Variants in FGF13 observed in about 807,000 individuals in gnomAD.
The protein encoded by FGF13 is fibroblast growth factor 13, also known as fibroblast growth factor homologous factor 2.
FGF13 carries 2 observed loss-of-function variants against 19.5 expected under a neutral mutation model. That is an observed-to-expected ratio of 0.10 (90% CI 0.04 to 0.32). FGF13 has a LOEUF of 0.32. Among genes scored for constraint, FGF13 ranks in the 10% least tolerant of loss-of-function variants. The pLI, the probability that FGF13 is intolerant of heterozygous loss-of-function variation, is 1.00. For synonymous variants in FGF13, 72 were observed against 76.9 expected (o/e 0.94, Z 0.33); for missense variants, 113 against 192.7 (o/e 0.59, Z 2.45).
At chrX:139,146,990 G>A (rs933240328) in intron 1 of FGF13, among the ~76,000 whole-genome samples, 4 of 108,278 alleles carry the variant, frequency 3.7e-5, no homozygotes, top group African/African-American at 1.3e-4. Flanking sequence ...AGGGAGGAGG[G>A]ATAGCATTAG....
chrX:138,672,543 T>G (rs1480164026), intron 3 of FGF13, among the ~76,000 whole-genome samples: 1 of 112,003 alleles, frequency 8.9e-6, no homozygotes, highest in African/African-American at 3.2e-5. Flanking sequence ...TGGAGAAGAC[T>G]GTGAACATAT....
intron 1 of FGF13, among the ~76,000 whole-genome samples, chrX:138,922,018 CCTCT>C (rs1327361276): frequency 1.9e-5 from 2 of 103,289 alleles, no homozygotes; most frequent in Admixed American, 2.1e-4. Flanking sequence ...AAAAAAACGA[CCTCT>C]CTATCATTGT....
intron 1 of FGF13, among the ~76,000 whole-genome samples, chrX:139,064,941 C>T (rs1047741130): frequency 9.0e-6 from 1 of 111,100 alleles, no homozygotes; most frequent in African/African-American, 3.3e-5. Context: ...CTCTCATATC[C>T]TTTCTTCCTC....
chrX:139,129,807 G>T (rs2083747829), intron 1 of FGF13, among the ~76,000 whole-genome samples: 1 of 111,458 alleles, frequency 9.0e-6, no homozygotes, highest in African/African-American at 3.3e-5. Flanking sequence ...CCCAGGAACA[G>T]TCTCTTCCTT....
intron 1 of FGF13, among the ~76,000 whole-genome samples, chrX:138,721,094 G>A (rs1410495810): frequency 8.9e-6 from 1 of 112,042 alleles, no homozygotes; most frequent in African/African-American, 3.2e-5. Flanking sequence ...TGTAGTAGAA[G>A]TAATCCCTTT....
chrX:138,748,744 T>C (rs746576129), intron 3 of FGF13, among the ~76,000 whole-genome samples: 1 of 110,771 alleles, frequency 9.0e-6, no homozygotes, highest in South Asian at 3.9e-4. Context: ...TAACCAGGAG[T>C]GTTTTAAAAA....
intron 3 of FGF13, among the ~76,000 whole-genome samples, chrX:138,648,195 A>G (rs1254295694): frequency 8.9e-6 from 1 of 112,228 alleles, no homozygotes; most frequent in Non-Finnish European, 1.9e-5. Flanking sequence ...TGAATCCTAC[A>G]GTTATATTCA....
rs1211947653 is a variant in FGF13 at position 138,745,116 on chromosome X, TGTTCA to T, written c.218-36193_218-36189del. Among the ~76,000 whole-genome samples, 6 of 112,239 alleles carry T rather than the reference TGTTCA, an allele frequency of 5.3e-5. No individual in the cohort carries two copies. The East Asian group carries it at 1.7e-3, about 32-fold the overall frequency. On this transcript the variant is annotated intron_variant, in intron 3 of 6. Transcript: ENST00000436198. ...AGCAGCATAGTGCATGCTTTTATTC[TGTTCA>T]GTTGTGTTTCTGACATCATACTACA...
At chrX:139,143,682 A>G (rs909701887) in intron 1 of FGF13, among the ~76,000 whole-genome samples, 4 of 111,347 alleles carry the variant, frequency 3.6e-5, no homozygotes, top group African/African-American at 1.3e-4. Context: ...CTGGACTTGA[A>G]GACAAACTAA....
intron 1 of FGF13, among the ~76,000 whole-genome samples, chrX:139,196,103 A>T (rs968325917): frequency 8.9e-6 from 1 of 111,857 alleles, no homozygotes; most frequent in Non-Finnish European, 1.9e-5. Context: ...GGGTTGAGAG[A>T]CAAAGAGAAG....
At chrX:139,046,254 T>C (rs2092286893) in intron 1 of FGF13, among the ~76,000 whole-genome samples, 1 of 110,846 alleles carries the variant, frequency 9.0e-6, no homozygotes, top group Non-Finnish European at 1.9e-5. Context: ...CACACACTTT[T>C]AGATGACTAG....
chrX:138,832,999 C>T (rs1395143097), intron 3 of FGF13, among the ~76,000 whole-genome samples: 1 of 111,633 alleles, frequency 9.0e-6, no homozygotes. Flanking sequence ...ACTGGGCTCT[C>T]TATTCTGTTC....
intron 3 of FGF13, among the ~76,000 whole-genome samples, chrX:138,674,625 T>A (rs2124177762): frequency 9.0e-6 from 1 of 110,887 alleles, no homozygotes; most frequent in South Asian, 3.9e-4. Flanking sequence ...ACTATCTCTC[T>A]GTGGGGTCAA....
chrX:138,971,455 T>C (rs1389448049), intron 1 of FGF13, among the ~76,000 whole-genome samples: 1 of 112,186 alleles, frequency 8.9e-6, no homozygotes, highest in Non-Finnish European at 1.9e-5. Flanking sequence ...AATTTAAAAA[T>C]TTGGTTGTCT....
chrX:139,139,901 A>G (rs1569457064), intron 1 of FGF13, among the ~76,000 whole-genome samples: 5 of 111,681 alleles, frequency 4.5e-5, no homozygotes, highest in Admixed American at 3.8e-4. Flanking sequence ...CACCCTATAC[A>G]TGGCTTGTCT....
At chrX:138,663,925 G>A in intron 3 of FGF13, among the ~76,000 whole-genome samples, 1 of 111,416 alleles carries the variant, frequency 9.0e-6, no homozygotes, top group Non-Finnish European at 1.9e-5. Flanking sequence ...AAGTCATGGT[G>A]GGGAATTCCT....
At chrX:139,027,319 C>G (rs1039937569) in intron 1 of FGF13, among the ~76,000 whole-genome samples, 1 of 112,138 alleles carries the variant, frequency 8.9e-6, no homozygotes, top group African/African-American at 3.2e-5. Flanking sequence ...AACCTTTTTT[C>G]CAGAATGGCA....
At chrX:138,794,362 T>C (rs185844082) in intron 3 of FGF13, among the ~76,000 whole-genome samples, 128 of 112,055 alleles carry the variant, frequency 1.1e-3, no homozygotes, top group Middle Eastern at 4.6e-3. Flanking sequence ...TAATAGGCTA[T>C]ACTCTAGAAT....
At position 138,808,885 on chromosome X, in the gene FGF13, A is replaced by G. The variant is rs2090895977; in HGVS notation, c.217+48627T>C. On this transcript the variant is annotated intron_variant, in intron 3 of 6. Coordinates refer to the FGF13 transcript ENST00000436198. ...TCCTGGACACATACACCATCCCAAG[A>G]CTAAACCAGGAAGAAGTTGAATCCC... 2.7e-5 allele frequency among the ~76,000 whole-genome samples: 3 copies of G among 111,974 alleles called. No individual in the cohort carries two copies. The South Asian group carries it at 1.1e-3, about 41-fold the overall frequency.
Sources: gnomAD v4.1 joint callset for allele counts (sites outside exome capture counted in the v4.1 genomes callset) on GRCh38, gnomAD v4.1.1 for gene constraint, MANE v1.5 for transcripts, NCBI Gene and HGNC (gene_info 2026-07-23, HGNC 2026-07-21) for gene names.